Variants in NDUFAB1 observed in about 807,000 individuals in gnomAD.
NDUFAB1 encodes NADH:ubiquinone oxidoreductase subunit AB1.
Under a neutral mutation model 16.1 loss-of-function variants are expected in NDUFAB1, and 5 were observed. The observed-to-expected ratio is 0.31, with a 90% CI of 0.16 to 0.65. The LOEUF is 0.65. NDUFAB1 is among the 30% of genes least tolerant of loss of function. The probability of loss-of-function intolerance (pLI) is 0.77; values close to 1 mark genes in which losing one functional copy is unlikely to be tolerated. For missense variants in NDUFAB1, 187 were observed against 205.3 expected (o/e 0.91, Z 0.54); for synonymous variants, 85 against 78.4 (o/e 1.08, Z -0.44).
intron 1 of NDUFAB1, among the ~76,000 whole-genome samples, chr16:23,593,856 A>C (rs1966299455): frequency 8.4e-6 from 1 of 118,884 alleles, no homozygotes; most frequent in Non-Finnish European, 1.8e-5. Context: ...ACCCTTATTT[A>C]TTTATTTATT....
chr16:23,589,228 G>A (rs1038529764), intron 1 of NDUFAB1, among the ~76,000 whole-genome samples: 19 of 151,016 alleles, frequency 1.3e-4, no homozygotes, highest in Admixed American at 9.2e-4. Flanking sequence ...CTTGGGAGTC[G>A]GAGGTTGCAG....
Position 23,585,367 on chromosome 16 carries a change from C to T in NDUFAB1, c.348G>A (p.Val116=). The stretch of plus-strand genomic sequence containing the variant: ...CGTCTTCCATGGCCATGATAATCTC[C>T]ACTTGGTCCAAACTGTCTAAGCCCA... ...KDLGLDSLDQ[V]EIIMAMEDEF... Residue 116 remains valine, a synonymous_variant, in exon 3 of 5, where the codon GTG becomes GTA. Coordinates refer to ENST00000007516, the MANE Select transcript of NDUFAB1 (RefSeq NM_005003.3). 1 of 1,613,930 alleles carries T rather than the reference C, an allele frequency of 6.2e-7. No homozygotes were observed. The highest frequency in any genetic ancestry group is 8.5e-7 in the Non-Finnish European group (1 of 1,179,816).
intron 3 of NDUFAB1, among the ~76,000 whole-genome samples, chr16:23,582,655 T>C (rs1307691177): frequency 7.4e-6 from 1 of 134,726 alleles, no homozygotes; most frequent in African/African-American, 3.3e-5. Context: ...TGGTAGTTTT[T>C]AGTATATTCA....
Position 23,584,255 on chromosome 16 carries a change from TAAAAA to T in NDUFAB1, c.379+1076_379+1080del, listed in dbSNP as rs58853102. 7.0e-4 allele frequency among the ~76,000 whole-genome samples: 24 copies of T among 34,050 alleles called. 5 individuals are homozygous for T. In the East Asian group the frequency reaches 0.015, roughly 21 times the overall value. 22.3% of individuals were successfully genotyped at this position (34,050 alleles called of 152,430 possible). On this transcript the variant is annotated intron_variant, in intron 3 of 4. Transcript: ENST00000007516. ...CGAGAAACACCCAAGAATGATCAAT[TAAAAA>T]AAAAAAAAAAAAAAGAAACCCAGTG...
intron 3 of NDUFAB1, among the ~76,000 whole-genome samples, chr16:23,584,273 A>AAAAAAAAAAAAAAAAAAAAC: frequency 7.2e-6 from 1 of 139,626 alleles, no homozygotes. Flanking sequence ...AAAAAAAAAA[A>AAAAAAAAAAAAAAAAAAAAC]AGAAACCCAG....
In NDUFAB1 at chr16:23,596,240, A is replaced by T; in HGVS notation, c.51T>A (p.Phe17Leu). 6.2e-7 allele frequency: 1 copy of T among 1,604,918 alleles called. No individual in the cohort carries two copies. Residue 17 changes from phenylalanine (F) to leucine (L), a missense_variant, in exon 1 of 5, where the codon TTT becomes TTA. Physicochemically the swap from Phe to Leu is conservative, Grantham distance 22 (BLOSUM62 0). This residue lies in a region of NDUFAB1 where 135 missense variants were observed against 129.4 expected (regional missense o/e 1.04). Coordinates refer to ENST00000007516, the MANE Select transcript of NDUFAB1 (RefSeq NM_005003.3). ...GCATCCGGACCCGGGGCAGCGGCGC[A>T]AAGGCCGCGGGCAGGCGGCTGACAT... ...SAYVSRLPAAFAPLPRVRMLA... is the reference protein window; with the variant it reads ...SAYVSRLPAALAPLPRVRMLA...
intron 1 of NDUFAB1, 28 bp from the exon 2 acceptor site, chr16:23,587,347 G>C: frequency 6.2e-7 from 1 of 1,610,160 alleles, no homozygotes; most frequent in Non-Finnish European, 8.5e-7. Context: ...AGGAAACACT[G>C]TCATTGAATG....
At position 23,584,826 on chromosome 16, in the gene NDUFAB1, G is replaced by GA. The variant is rs143053449; in HGVS notation, c.379+509dup. ...ATTTCCTATTCAGCCAACTCACGCAGAAACAGCCATGGAACCTTATAAAGG... is the reference window on the plus strand; with the variant it reads ...ATTTCCTATTCAGCCAACTCACGCAGAAAACAGCCATGGAACCTTATAAAGG... On this transcript the variant is annotated intron_variant, in intron 3 of 4. Transcript: ENST00000007516. 6.7e-4 allele frequency among the ~76,000 whole-genome samples: 102 copies of GA among 152,324 alleles called. No individual in the cohort carries two copies. The East Asian group carries it at 0.017, about 26-fold the overall frequency.
At position 23,584,342 on chromosome 16, in the gene NDUFAB1, T is replaced by C. The variant is rs146524217; in HGVS notation, c.379+994A>G. Among the ~76,000 whole-genome samples the C allele has an allele frequency of 3.3e-5, 5 of 150,538 alleles. No homozygotes were observed. The East Asian group carries it at 9.8e-4, about 30-fold the overall frequency. The stretch of plus-strand genomic sequence containing the variant: ...CTCTGGCAACCACCCGTGTACTTTC[T>C]ATCTCTGGATTTGCCTCTTCTTGAC... On this transcript the variant is annotated intron_variant, in intron 3 of 4. Coordinates refer to ENST00000007516, the MANE Select transcript of NDUFAB1 (RefSeq NM_005003.3).
intron 3 of NDUFAB1, among the ~76,000 whole-genome samples, chr16:23,582,776 C>A (rs508613): frequency 6.7e-6 from 1 of 149,946 alleles, no homozygotes; most frequent in Non-Finnish European, 1.5e-5. Context: ...CTCTCCCTCT[C>A]CCCAAGGTCT....
intron 3 of NDUFAB1, among the ~76,000 whole-genome samples, chr16:23,582,968 C>T (rs1213108030): frequency 2.6e-5 from 4 of 152,368 alleles, no homozygotes; most frequent in South Asian, 4.1e-4. Context: ...AGGCACGCGC[C>T]GCCACGCCTG....
intron 1 of NDUFAB1, among the ~76,000 whole-genome samples, chr16:23,593,491 C>A (rs1349655799): frequency 6.6e-6 from 1 of 152,186 alleles, no homozygotes; most frequent in Non-Finnish European, 1.5e-5. Flanking sequence ...AGCTGGCCCT[C>A]AATATCTTTG....
At chr16:23,595,059 T>G (rs967477708) in intron 1 of NDUFAB1, among the ~76,000 whole-genome samples, 2 of 151,914 alleles carry the variant, frequency 1.3e-5, no homozygotes, top group Non-Finnish European at 2.9e-5. Flanking sequence ...AAGACCAACC[T>G]GGCCAATATG....
intron 3 of NDUFAB1, among the ~76,000 whole-genome samples, chr16:23,583,630 T>C (rs1966203330): frequency 1.7e-5 from 2 of 120,630 alleles, no homozygotes; most frequent in South Asian, 4.9e-4. Flanking sequence ...CCGCCCCGTC[T>C]GAGAAGTGAG....
At chr16:23,596,086 A>G in intron 1 of NDUFAB1, 37 bp downstream of exon 1, 1 of 1,593,352 alleles carries the variant, frequency 6.3e-7, no homozygotes, top group Non-Finnish European at 8.6e-7. Context: ...CCAATCCCTG[A>G]CCCTTGCCAA....
intron 1 of NDUFAB1, among the ~76,000 whole-genome samples, chr16:23,593,727 T>G (rs1465145623): frequency 6.6e-6 from 1 of 152,182 alleles, no homozygotes; most frequent in African/African-American, 2.4e-5. Flanking sequence ...GTGATCTGTA[T>G]GTCCAATCAA....
chr16:23,589,413 C>G (rs1966259999), intron 1 of NDUFAB1, among the ~76,000 whole-genome samples: 1 of 152,006 alleles, frequency 6.6e-6, no homozygotes, highest in Admixed American at 6.6e-5. Context: ...GAGCATGTTT[C>G]TTTGTCTAAA....
At chr16:23,595,695 T>C (rs1966319054) in intron 1 of NDUFAB1, 2 of 457,062 alleles carry the variant, frequency 4.4e-6, no homozygotes, top group Admixed American at 5.0e-5. Context: ...GAGAAGGCTG[T>C]AGGCCAGTGT....
At chr16:23,583,215 T>C (rs1490244679) in intron 3 of NDUFAB1, among the ~76,000 whole-genome samples, 1 of 152,186 alleles carries the variant, frequency 6.6e-6, no homozygotes, top group Non-Finnish European at 1.5e-5. Flanking sequence ...AGTGCCGAGA[T>C]TGCAGCCTCT....
Sources: gnomAD v4.1 joint callset for allele counts (sites outside exome capture counted in the v4.1 genomes callset) on GRCh38, gnomAD v4.1.1 for gene constraint, gnomAD v4.1.1 regional missense constraint, MANE v1.5 for transcripts, NCBI Gene and HGNC (gene_info 2026-07-23, HGNC 2026-07-21) for gene names.